Variants in COG7 observed in about 807,000 individuals in gnomAD.
The protein encoded by COG7 is conserved oligomeric Golgi complex subunit 7.
Under a neutral mutation model 91.5 loss-of-function variants are expected in COG7, and 49 were observed. The observed-to-expected ratio is 0.54, with a 90% confidence interval of 0.43 to 0.68. COG7 has a LOEUF of 0.68. Ranked by LOEUF, COG7 falls within the 30% of genes least tolerant of loss-of-function variation. COG7 has a pLI of 0.00. For missense variants in COG7, 895 were observed against 961.3 expected, an observed-to-expected ratio of 0.93 and a Z score of 0.91; for synonymous variants, 365 against 388.7, an observed-to-expected ratio of 0.94 and a Z score of 0.72.
At chr16:23,402,071 G>C (rs1296407618) in intron 13 of COG7, among the ~76,000 whole-genome samples, 1 of 152,060 alleles carries the variant, frequency 6.6e-6, no homozygotes. Context: ...AAAGAGAAAA[G>C]AAAAGAAAAA....
chr16:23,402,849 GT>G (rs1963400074), intron 13 of COG7, among the ~76,000 whole-genome samples: 1 of 152,228 alleles, frequency 6.6e-6, no homozygotes, highest in South Asian at 2.1e-4. Context: ...CAGTGAGGGG[GT>G]GAGGCCTGAC....
chr16:23,453,104 C>T lies in COG7; in HGVS notation c.-110G>A. 1.3e-6 allele frequency: 2 copies of T among 1,543,830 alleles called. No homozygotes were observed. ...AGAGCACCGAGGCTAGCCTCCGAGG[C>T]GAACCCCAGAAACGCCAGGACGGGT... On this transcript the variant is annotated 5_prime_UTR_variant, in exon 1 of 17. Transcript: ENST00000307149.
intron 7 of COG7, among the ~76,000 whole-genome samples, chr16:23,421,986 T>C (rs1228746244): frequency 2.0e-5 from 3 of 152,140 alleles, no homozygotes; most frequent in Admixed American, 1.3e-4. Context: ...AACAGTTCAT[T>C]ATAGTTTTAT....
At chr16:23,430,839 T>C (rs1372133729) in intron 6 of COG7, among the ~76,000 whole-genome samples, 1 of 151,680 alleles carries the variant, frequency 6.6e-6, no homozygotes, top group African/African-American at 2.4e-5. Flanking sequence ...CCACGCCCAG[T>C]CTTGTAACTT....
intron 6 of COG7, among the ~76,000 whole-genome samples, chr16:23,432,967 T>C (rs1172794647): frequency 1.3e-5 from 2 of 152,190 alleles, no homozygotes; most frequent in East Asian, 3.8e-4. Flanking sequence ...ACAGGCGGCA[T>C]TGTCACATTA....
rs776402942 is a variant in COG7, at chr16:23,410,363, A to G, written c.1410-3T>C. 1 of 1,613,540 alleles carries G rather than the reference A, an allele frequency of 6.2e-7. No individual in the cohort carries two copies. Among genetic ancestry groups the G allele is most frequent in the East Asian group, 2.2e-5 (1 of 44,880 alleles). ...GCTCTCCACAGGTGGCTATTATCCT[A>G]AACAAAACAAAAAGCACTTCAAGTT... On this transcript the variant is annotated splice_polypyrimidine_tract_variant and splice_region_variant and intron_variant, in intron 10 of 16. Coordinates refer to ENST00000307149, the MANE Select transcript of COG7 (RefSeq NM_153603.4).
At position 23,398,163 on chromosome 16, in the gene COG7, T is replaced by C. The variant is rs185255074; in HGVS notation, c.1804-34A>G. ...GGAACGAGAGGACACAATCAGTACC[T>C]AGCAGCCAGGCAGCTGTGAAGACGC... On this transcript the variant is annotated intron_variant, in intron 13 of 16. Coordinates refer to ENST00000307149, the MANE Select transcript of COG7 (RefSeq NM_153603.4). 2,129 of 1,569,570 alleles carry C rather than the reference T, an allele frequency of 1.4e-3. 7 individuals carry two copies. Among genetic ancestry groups the C allele is most frequent in the Non-Finnish European group, 1.6e-3 (1,828 of 1,139,884 alleles).
At chr16:23,441,024 T>G (rs1964092377) in intron 4 of COG7, among the ~76,000 whole-genome samples, 1 of 151,676 alleles carries the variant, frequency 6.6e-6, no homozygotes, top group African/African-American at 2.4e-5. Context: ...AATGAACAGA[T>G]AGTTGATGTT....
chr16:23,400,981 G>C lies in COG7; in HGVS notation c.1803+2713C>G, dbSNP rs528567479. 3.0e-4 allele frequency among the ~76,000 whole-genome samples: 44 copies of C among 149,126 alleles called. 1 individual carries two copies. The highest frequency in any genetic ancestry group is 4.3e-4 in the South Asian group (2 of 4,678). On this transcript the variant is annotated intron_variant, in intron 13 of 16. Transcript: ENST00000307149. ...TGAGACTTTGTCTCAAAAAAAAAAG[G>C]GGGGGGGGAAAACAGCAGAGAATGT... is the stretch of plus-strand genomic sequence containing the variant.
At chr16:23,428,692 CTTTT>C (rs898850977) in intron 6 of COG7, among the ~76,000 whole-genome samples, 3 of 134,668 alleles carry the variant, frequency 2.2e-5, no homozygotes, top group Admixed American at 1.5e-4. Flanking sequence ...TGTTTCTTTT[CTTTT>C]TTTTTTTTTT....
intron 8 of COG7, among the ~76,000 whole-genome samples, chr16:23,417,723 A>C (rs189971648): frequency 1.5e-4 from 23 of 152,234 alleles, no homozygotes; most frequent in Non-Finnish European, 2.6e-4. Flanking sequence ...GTGCCACTGC[A>C]CTCCAACCTG....
At chr16:23,395,663 A>T (rs1453131282) in intron 14 of COG7, among the ~76,000 whole-genome samples, 1 of 152,200 alleles carries the variant, frequency 6.6e-6, no homozygotes, top group Non-Finnish European at 1.5e-5. Context: ...TAGATCTCAC[A>T]GTGCAGGTTT....
chr16:23,435,640 T>G (rs770391049), intron 4 of COG7, among the ~76,000 whole-genome samples: 22 of 149,716 alleles, frequency 1.5e-4, no homozygotes, highest in Non-Finnish European at 2.9e-4. Context: ...CTGGCCAAAA[T>G]GTACATGCCA....
intron 4 of COG7, among the ~76,000 whole-genome samples, chr16:23,439,158 CAAAAAAAAAA>C (rs1288559124): frequency 1.1e-4 from 6 of 53,744 alleles, no homozygotes; most frequent in African/African-American, 2.9e-4. Context: ...ACTGTGTCTC[CAAAAAAAAAA>C]AAAAAAAAAA....
At chr16:23,391,898 C>T in intron 16 of COG7, 1 of 675,360 alleles carries the variant, frequency 1.5e-6, no homozygotes, top group Non-Finnish European at 1.9e-6. Context: ...GGCCACATGG[C>T]CTTGTTATGG....
intron 3 of COG7, among the ~76,000 whole-genome samples, chr16:23,443,201 A>T (rs1176120157): frequency 6.6e-6 from 1 of 152,232 alleles, no homozygotes; most frequent in Non-Finnish European, 1.5e-5. Flanking sequence ...TTAAATTTAT[A>T]CTGTCTTTCT....
At position 23,424,966 on chromosome 16, in the gene COG7, G is replaced by A. The variant is rs2142081488; in HGVS notation, c.811-19C>T. On this transcript the variant is annotated intron_variant, in intron 6 of 16. Transcript: ENST00000307149. Reference sequence around the variant, plus strand: ...GGAAAACCTGCAGTGAGAGAGAGGTGTACCTGCCTTAGCACATGGAGCCAA... The same window carrying A: ...GGAAAACCTGCAGTGAGAGAGAGGTATACCTGCCTTAGCACATGGAGCCAA... 1.9e-6 allele frequency: 3 copies of A among 1,578,384 alleles called. No individual in the cohort carries two copies. Among genetic ancestry groups the A allele is most frequent in the African/African-American group, 1.3e-5 (1 of 74,086 alleles).
intron 1 of COG7, among the ~76,000 whole-genome samples, chr16:23,450,828 C>T (rs1964254115): frequency 6.6e-6 from 1 of 150,660 alleles, no homozygotes; most frequent in Admixed American, 6.6e-5. Context: ...GAGACCCTGT[C>T]TCAAAAAAAA....
At chr16:23,451,729 A>C (rs888644912) in intron 1 of COG7, among the ~76,000 whole-genome samples, 6 of 150,374 alleles carry the variant, frequency 4.0e-5, no homozygotes, top group African/African-American at 1.2e-4. Context: ...CTGTCTCAAA[A>C]AAAAAAAAAA....
Sources: allele counts gnomAD v4.1 joint callset (sites outside exome capture counted in the v4.1 genomes callset), GRCh38; gene constraint gnomAD v4.1.1; transcripts MANE v1.5; gene names NCBI Gene and HGNC (gene_info 2026-07-23, HGNC 2026-07-21).